The following LRRC41 variants were observed in gnomAD, a reference collection of about 807,000 sequenced individuals.
The protein encoded by LRRC41 is leucine-rich repeat-containing protein 41.
A neutral mutation model predicts 72.1 loss-of-function variants in LRRC41; 17 were observed. That is an observed-to-expected ratio of 0.24 (90% CI 0.16 to 0.35). The LOEUF (loss-of-function observed/expected upper bound fraction) is 0.35. Among genes scored for constraint, LRRC41 ranks in the 10% least tolerant of loss-of-function variants. The pLI is 1.00. For synonymous variants in LRRC41, 427 were observed against 431.0 expected, an observed-to-expected ratio of 0.99 and a Z score of 0.11; for missense variants, 759 against 1,065.0, an observed-to-expected ratio of 0.71 and a Z score of 4.00.
rs190096585 is a variant in LRRC41 at position 46,289,490 on chromosome 1, G to A, written c.358-2991C>T. ...TCTTAAGAATCTATGGGCCGGGCGC[G>A]GTGGCTCACACCTGTAATCCCAGCA... On this transcript the variant is annotated intron_variant, in intron 3 of 9. Coordinates refer to ENST00000617190, the MANE Select transcript of LRRC41 (RefSeq NM_006369.5). Among the ~76,000 whole-genome samples, 91 of 152,240 alleles carry A rather than the reference G, an allele frequency of 6.0e-4. 1 individual carries two copies. The highest frequency in any genetic ancestry group is 1.8e-3 in the African/African-American group (76 of 41,538).
intron 1 of LRRC41, chr1:46,301,936 C>T: frequency 2.0e-6 from 2 of 985,100 alleles, no homozygotes; most frequent in African/African-American, 3.5e-5. Flanking sequence ...GGCCCGAGGC[C>T]TCCCCTGTCC....
intron 1 of LRRC41, among the ~76,000 whole-genome samples, chr1:46,301,553 C>G (rs368101862): frequency 5.3e-5 from 8 of 152,040 alleles, no homozygotes; most frequent in African/African-American, 1.9e-4. Flanking sequence ...ACACTCAGGC[C>G]TCATGGTACT....
intron 3 of LRRC41, among the ~76,000 whole-genome samples, chr1:46,288,668 C>T (rs1660933146): frequency 1.3e-5 from 2 of 152,220 alleles, no homozygotes; most frequent in Admixed American, 6.5e-5. Flanking sequence ...CTCTGCTGTC[C>T]TCAAGCAAAA....
chr1:46,302,693 T>C lies in LRRC41; in HGVS notation c.199+431A>G. On this transcript the variant is annotated intron_variant, in intron 1 of 9. Coordinates refer to ENST00000617190, the MANE Select transcript of LRRC41 (RefSeq NM_006369.5). The surrounding 1 kb of genome is among the most constrained non-coding windows in gnomAD (Gnocchi z 4.7). ...AGGTTCGGTGGCCCCGGGCCTGGCC[T>C]GGCCTTGCCTTAGGCCGGGCCTCCT... is the stretch of plus-strand genomic sequence containing the variant. 1.0e-6 allele frequency: 1 copy of C among 985,206 alleles called. No homozygotes were observed. Among genetic ancestry groups the C allele is most frequent in the Non-Finnish European group, 1.2e-6 (1 of 829,856 alleles). The allele number at this position is 985,206 out of a possible 1,614,324, so 61.0% of individuals were successfully genotyped here.
At chr1:46,283,071 A>C (rs1660813127) in intron 4 of LRRC41, among the ~76,000 whole-genome samples, 1 of 152,132 alleles carries the variant, frequency 6.6e-6, no homozygotes, top group Admixed American at 6.5e-5. Flanking sequence ...CAGGAGTAAG[A>C]ATATGAATGA....
In LRRC41 at chr1:46,294,663, T is replaced by C. The variant is rs569507252; in HGVS notation, c.357+2900A>G. Among the ~76,000 whole-genome samples, 20 of 150,362 alleles carry C rather than the reference T, an allele frequency of 1.3e-4. 1 individual carries two copies. The South Asian group carries it at 4.2e-3, about 32-fold the overall frequency. On this transcript the variant is annotated intron_variant, in intron 3 of 9. Coordinates refer to ENST00000617190, the MANE Select transcript of LRRC41 (RefSeq NM_006369.5). ...AGGCTGGAGTGCAGTGATGTGATCT[T>C]GGCTCACTGCAACCTCTGCCTCCTG...
chr1:46,302,859 G>A lies in LRRC41; in HGVS notation c.199+265C>T. 3 of 985,226 alleles carry A rather than the reference G, an allele frequency of 3.0e-6. No homozygotes were observed. Among genetic ancestry groups the A allele is most frequent in the Non-Finnish European group, 3.6e-6 (3 of 829,872 alleles). The allele number at this position is 985,226 out of a possible 1,614,324, so 61.0% of individuals were successfully genotyped here. A position where few individuals can be genotyped will look rare whatever the true frequency, so the allele number is the denominator to read the frequency against. On this transcript the variant is annotated intron_variant, in intron 1 of 9. Transcript: ENST00000617190. The surrounding 1 kb of genome is among the most constrained non-coding windows in gnomAD (Gnocchi z 4.7). Reference sequence around the variant, plus strand: ...AGCCTCAGTCGCCCGGGCCCAGCCTGCTTCGCTCCAGACCGGGCCTCCTGG... The same window carrying A: ...AGCCTCAGTCGCCCGGGCCCAGCCTACTTCGCTCCAGACCGGGCCTCCTGG...
rs766899691 is a variant in LRRC41, at chr1:46,303,343, CGA to C, written c.-23_-22del. On this transcript the variant is annotated 5_prime_UTR_variant, in exon 1 of 10. Transcript: ENST00000617190. ...GCCATCTTGGGGAGGTGCGCGAGCC[CGA>C]GAGTGTCGCCCGCGGACCGCCATCT... 5.4e-6 allele frequency: 8 copies of C among 1,485,492 alleles called. No individual in the cohort carries two copies. Among genetic ancestry groups the C allele is most frequent in the Middle Eastern group, 1.9e-4 (1 of 5,246 alleles). The allele number at this position is 1,485,492 out of a possible 1,614,324, so 92.0% of individuals were successfully genotyped here.
In LRRC41 at chr1:46,295,989, A is replaced by G. The variant is rs534420546; in HGVS notation, c.357+1574T>C. Among the ~76,000 whole-genome samples the G allele has an allele frequency of 5.3e-5, 8 of 152,334 alleles. No homozygotes were observed. The East Asian group carries it at 1.4e-3, about 26-fold the overall frequency. On this transcript the variant is annotated intron_variant, in intron 3 of 9. Coordinates refer to ENST00000617190, the MANE Select transcript of LRRC41 (RefSeq NM_006369.5). ...CACCTGTTATTTGGCCTCATTCACC[A>G]TAGAAGGCCCAGTTCAAATACTACT... is the stretch of plus-strand genomic sequence containing the variant.
intron 4 of LRRC41, chr1:46,284,940 G>A (rs1053873901): frequency 1.1e-5 from 2 of 183,406 alleles, no homozygotes; most frequent in Non-Finnish European, 1.2e-5. Context: ...ACTGAGGACT[G>A]CTTTGCAGGT....
intron 1 of LRRC41, chr1:46,298,650 A>G: frequency 3.4e-6 from 1 of 293,436 alleles, no homozygotes; most frequent in South Asian, 6.9e-5. Flanking sequence ...GGAGCTGGTC[A>G]GTTCACTTCT....
At chr1:46,290,527 T>A (rs1660985118) in intron 3 of LRRC41, among the ~76,000 whole-genome samples, 1 of 152,232 alleles carries the variant, frequency 6.6e-6, no homozygotes, top group African/African-American at 2.4e-5. Flanking sequence ...ACATACCATG[T>A]ATTCAAATAT....
rs1438184499 is a variant in LRRC41 at position 46,279,498 on chromosome 1, G to A, written c.2137C>T (p.Arg713Cys). The A allele has an allele frequency of 1.2e-6, 2 of 1,614,224 alleles. No homozygotes were observed. Among genetic ancestry groups the A allele is most frequent in the Non-Finnish European group, 1.7e-6 (2 of 1,180,030 alleles). The change falls in exon 8 of 10, where the codon CGC becomes TGC. Residue 713 changes from arginine (R) to cysteine (C), a missense_variant. Coordinates refer to ENST00000617190, the MANE Select transcript of LRRC41 (RefSeq NM_006369.5). The surrounding 1 kb of genome is among the most constrained non-coding windows in gnomAD (Gnocchi z 4.5). ...TLKGLRLPGN[R>C]LGNAGLLALA... ...CCCAGGGTCTGGCCCCCACCCAGGC[G>A]GTTCCCTGGCAGCCGGAGGCCCTTC... is the stretch of plus-strand genomic sequence containing the variant.
In LRRC41 at chr1:46,285,796, G is replaced by C. The variant is rs1389328943; in HGVS notation, c.1061C>G (p.Thr354Ser). 6.3e-7 allele frequency: 1 copy of C among 1,594,692 alleles called. No homozygotes were observed. The highest frequency in any genetic ancestry group is 8.5e-7 in the Non-Finnish European group (1 of 1,171,744). ...TGCTGGAGCAGAAGGTGACCGCTTG[G>C]TGCCAGGAGCCTCATGGGAGGTGGC... Reference protein sequence around the residue: ...PPATSHEAPGTKRSPSAPAAT... With the variant: ...PPATSHEAPGSKRSPSAPAAT... Residue 354 changes from threonine to serine, a missense_variant, in exon 4 of 10, where the codon ACC becomes AGC. By Grantham distance (58) the Thr-to-Ser change is moderately conservative. Transcript: ENST00000617190. The surrounding 1 kb of genome is among the most constrained non-coding windows in gnomAD (Gnocchi z 5.3).
Position 46,298,389 on chromosome 1 carries a change from A to C in LRRC41, c.200-19T>G. On this transcript the variant is annotated intron_variant, in intron 1 of 9. Transcript: ENST00000617190. ...GGGAGGGCTACAAAAATCAAAACAAAAGTTTACTTTTCCTCCCCTCCCCCT... is the reference window on the plus strand; with the variant it reads ...GGGAGGGCTACAAAAATCAAAACAACAGTTTACTTTTCCTCCCCTCCCCCT... 1 of 1,560,308 alleles carries C rather than the reference A, an allele frequency of 6.4e-7. No homozygotes were observed. The highest frequency in any genetic ancestry group is 8.8e-7 in the Non-Finnish European group (1 of 1,136,250).
rs1297052066 is a variant in LRRC41 at position 46,286,920 on chromosome 1, G to A, written c.358-421C>T. On this transcript the variant is annotated intron_variant, in intron 3 of 9. Transcript: ENST00000617190. The surrounding 1 kb of genome is among the most constrained non-coding windows in gnomAD (Gnocchi z 5.5). ...TGCAACCTCTGCCTCCCAGGTTCAA[G>A]TGATTCTCGTGCCTCAGCCTCCAGA... Among the ~76,000 whole-genome samples the A allele has an allele frequency of 6.6e-6, 1 of 152,090 alleles. No homozygotes were observed. The highest frequency in any genetic ancestry group is 1.9e-4 in the East Asian group (1 of 5,188).
Position 46,277,648 on chromosome 1 carries a change from T to C in LRRC41, c.*1217A>G. The C allele has an allele frequency of 1.3e-6, 1 of 755,072 alleles. No homozygotes were observed. Among genetic ancestry groups the C allele is most frequent in the Non-Finnish European group, 2.2e-6 (1 of 457,782 alleles). The allele number at this position is 755,072 out of a possible 1,614,324, so 46.8% of individuals were successfully genotyped here. A position where few individuals can be genotyped will look rare whatever the true frequency, so the allele number is the denominator to read the frequency against. Reference sequence around the variant, plus strand: ...CATGTCATGTTCTCAGGAGACAGACTGGGAAAATGGACCTCAGCTGAGTAG... The same window carrying C: ...CATGTCATGTTCTCAGGAGACAGACCGGGAAAATGGACCTCAGCTGAGTAG... On this transcript the variant is annotated 3_prime_UTR_variant, in exon 10 of 10. Coordinates refer to ENST00000617190, the MANE Select transcript of LRRC41 (RefSeq NM_006369.5).
rs897586430 is a variant in LRRC41 at position 46,303,478 on chromosome 1, C to A, written c.-156G>T. The stretch of plus-strand genomic sequence containing the variant: ...GCACACTTTCCAAGTCTCTTAGGAG[C>A]TACTATTTTAGATAAACTCCTAGAT... On this transcript the variant is annotated 5_prime_UTR_variant, in exon 1 of 10. Transcript: ENST00000617190. 8.7e-6 allele frequency: 7 copies of A among 800,716 alleles called. No individual in the cohort carries two copies. In the African/African-American group the frequency reaches 1.2e-4, roughly 14 times the overall value. 49.6% of individuals were successfully genotyped at this position (800,716 alleles called of 1,614,324 possible). A position where few individuals can be genotyped will look rare whatever the true frequency, so the allele number is the denominator to read the frequency against.
At position 46,302,762 on chromosome 1, in the gene LRRC41, C is replaced by G. The variant is rs1215700771; in HGVS notation, c.199+362G>C. The G allele has an allele frequency of 1.0e-6, 1 of 985,156 alleles. No individual in the cohort carries two copies. Among genetic ancestry groups the G allele is most frequent in the Non-Finnish European group, 1.2e-6 (1 of 829,860 alleles). The allele number at this position is 985,156 out of a possible 1,614,324, so 61.0% of individuals were successfully genotyped here. ...AGGGCAGCCGGGCCATCGCTGCCCA[C>G]CGGTTCGACATCCGAGACTCTCCTG... On this transcript the variant is annotated intron_variant, in intron 1 of 9. Transcript: ENST00000617190. This position sits in a 1 kb window ranked among gnomAD's most constrained non-coding sequence, Gnocchi z 4.7.
Sources: gnomAD v4.1 joint callset for allele counts (sites outside exome capture counted in the v4.1 genomes callset) on GRCh38, gnomAD v4.1.1 for gene constraint, Gnocchi (gnomAD v3.1) non-coding constraint, MANE v1.5 for transcripts, NCBI Gene and HGNC (gene_info 2026-07-23, HGNC 2026-07-21) for gene names.